The following NREP variants were observed in gnomAD, a reference collection of about 807,000 sequenced individuals.
NREP encodes the protein neuronal regeneration related protein, also known as neuronal regeneration-related protein.
Under a neutral mutation model 8.6 loss-of-function variants are expected in NREP, and 5 were observed. That is an observed-to-expected ratio of 0.58 (90% CI 0.30 to 1.22). The LOEUF is 1.22. Among genes scored for constraint, NREP ranks in the 50% most tolerant of loss-of-function variants. NREP has a pLI of 0.07. For synonymous variants in NREP, 27 were observed against 28.0 expected, an observed-to-expected ratio of 0.96 and a Z score of 0.11; for missense variants, 86 against 82.5, an observed-to-expected ratio of 1.04 and a Z score of -0.17.
At chr5:111,759,403 T>C (rs562990187), upstream of NREP, among the ~76,000 whole-genome samples, 3 of 143,240 alleles carry the variant, frequency 2.1e-5, no homozygotes, top group African/African-American at 7.7e-5. Context: ...GTGTTAATTT[T>C]TCTTTCTTTC....
intron 2 of NREP, among the ~76,000 whole-genome samples, chr5:111,900,764 T>TAA (rs58169113): frequency 1.3e-5 from 2 of 151,912 alleles, no homozygotes; most frequent in South Asian, 4.2e-4. Context: ...GAAACAGTAA[T>TAA]AAAAAAAGTC....
intron 2 of NREP, among the ~76,000 whole-genome samples, chr5:111,878,312 G>A (rs1358646356): frequency 3.3e-5 from 5 of 152,176 alleles, no homozygotes; most frequent in African/African-American, 1.2e-4. Flanking sequence ...TGCATGGCAG[G>A]GAAGGCCTCA....
intron 2 of NREP, among the ~76,000 whole-genome samples, chr5:111,899,973 T>C (rs1048296216): frequency 6.6e-6 from 1 of 152,120 alleles, no homozygotes; most frequent in African/African-American, 2.4e-5. Flanking sequence ...AAATATTTTA[T>C]CTAACAGCTG....
In NREP at chr5:111,910,486, T is replaced by C. The variant is rs55737394; in HGVS notation, c.135+64788A>G. 6.8e-3 allele frequency among the ~76,000 whole-genome samples: 1,029 copies of C among 152,164 alleles called. 5 individuals are homozygous for C. Among genetic ancestry groups the C allele is most frequent in the Non-Finnish European group, 8.2e-3 (557 of 67,980 alleles). On this transcript the variant is annotated intron_variant, in intron 2 of 3. Coordinates refer to the NREP transcript ENST00000395634. Reference sequence around the variant, plus strand: ...AAAAAGGCCTTAAGAATGGAATAACTTAGAAAGACCCACATATTTATAATG... The same window carrying C: ...AAAAAGGCCTTAAGAATGGAATAACCTAGAAAGACCCACATATTTATAATG...
chr5:111,801,965 A>G (rs1366606281), intron 2 of NREP, among the ~76,000 whole-genome samples: 1 of 152,200 alleles, frequency 6.6e-6, no homozygotes, highest in Non-Finnish European at 1.5e-5. Context: ...CAAATGACAT[A>G]GGCAGCTCTG....
chr5:111,969,862 C>T lies in NREP; in HGVS notation c.135+5412G>A, dbSNP rs553656365. On this transcript the variant is annotated intron_variant, in intron 2 of 3. Transcript: ENST00000395634. The stretch of plus-strand genomic sequence containing the variant: ...AGGGTCACTGGGTAAAAATGTGGTA[C>T]TGGTGGATTGAGAAGGGTGGGGACT... Among the ~76,000 whole-genome samples the T allele has an allele frequency of 2.7e-3, 406 of 152,194 alleles. 3 individuals carry two copies. The highest frequency in any genetic ancestry group is 0.015 in the South Asian group (73 of 4,806).
rs570182893 is a variant in NREP at position 111,883,458 on chromosome 5, C to A, written c.135+91816G>T. ...GGATACCCAGGAATTGAACTCAGCTCTGCACCAAGCAGACCTAATAGACAT... is the reference window on the plus strand; with the variant it reads ...GGATACCCAGGAATTGAACTCAGCTATGCACCAAGCAGACCTAATAGACAT... On this transcript the variant is annotated intron_variant, in intron 2 of 3. Transcript: ENST00000395634. Among the ~76,000 whole-genome samples the A allele has an allele frequency of 7.7e-3, 1,177 of 152,266 alleles. 13 individuals are homozygous for A. The highest frequency in any genetic ancestry group is 0.026 in the African/African-American group (1,101 of 41,552).
chr5:111,904,386 C>G (rs1288702582), intron 2 of NREP, among the ~76,000 whole-genome samples: 1 of 152,070 alleles, frequency 6.6e-6, no homozygotes, highest in African/African-American at 2.4e-5. Context: ...TGGTCAGAAA[C>G]TGTCAAGTAC....
At chr5:111,972,698 C>A (rs1336933392) in intron 2 of NREP, among the ~76,000 whole-genome samples, 1 of 152,168 alleles carries the variant, frequency 6.6e-6, no homozygotes, top group African/African-American at 2.4e-5. Flanking sequence ...GCCAGGGATA[C>A]TGCTGTCATC....
intron 2 of NREP, among the ~76,000 whole-genome samples, chr5:111,945,031 C>T (rs1236433076): frequency 1.3e-5 from 2 of 152,072 alleles, no homozygotes; most frequent in African/African-American, 4.8e-5. Context: ...CCTGTCCCTA[C>T]ATCTCTACTT....
intron 2 of NREP, among the ~76,000 whole-genome samples, chr5:111,922,065 C>A (rs1167052635): frequency 6.6e-6 from 1 of 152,084 alleles, no homozygotes; most frequent in Non-Finnish European, 1.5e-5. Context: ...CAGACTAATA[C>A]AATTGGTAAG....
intron 2 of NREP, among the ~76,000 whole-genome samples, chr5:111,870,383 T>C (rs931880924): frequency 3.9e-5 from 6 of 152,148 alleles, no homozygotes; most frequent in Admixed American, 6.6e-5. Context: ...TAAGCCAAGA[T>C]TGTGCCACTG....
chr5:111,798,479 C>T (rs1378477737), intron 2 of NREP, among the ~76,000 whole-genome samples: 1 of 152,072 alleles, frequency 6.6e-6, no homozygotes, highest in Non-Finnish European at 1.5e-5. Flanking sequence ...GAGCAGTGTA[C>T]ACTGTATCCA....
At chr5:111,756,637 T>A (rs750821235) in intron 1 of NREP, among the ~76,000 whole-genome samples, 91 of 152,214 alleles carry the variant, frequency 6.0e-4, no homozygotes, top group Non-Finnish European at 5.3e-4. Context: ...AAAGTTCAAC[T>A]GCTTTATAAG....
chr5:111,891,500 T>C (rs4957624), intron 2 of NREP, among the ~76,000 whole-genome samples: 19,832 of 152,278 alleles, frequency 0.13, 1,694 homozygotes, highest in Non-Finnish European at 0.18. Flanking sequence ...TTTTCAGATA[T>C]CTGTATAGCG....
intron 2 of NREP, among the ~76,000 whole-genome samples, chr5:111,740,069 G>A (rs1212199188): frequency 6.6e-6 from 1 of 151,766 alleles, no homozygotes; most frequent in Non-Finnish European, 1.5e-5. Context: ...TGGAGAATAT[G>A]CAACAGTTTT....
chr5:111,854,282 G>T (rs1309607031), intron 2 of NREP, among the ~76,000 whole-genome samples: 1 of 152,154 alleles, frequency 6.6e-6, no homozygotes, highest in Non-Finnish European at 1.5e-5. Flanking sequence ...AGTTCTTCAT[G>T]CTGAGAGTTA....
At chr5:111,961,641 T>C (rs1264152354) in intron 2 of NREP, among the ~76,000 whole-genome samples, 2 of 152,204 alleles carry the variant, frequency 1.3e-5, no homozygotes, top group South Asian at 2.1e-4. Context: ...TTACTCTACA[T>C]TTATGGATTT....
chr5:111,949,218 T>C (rs17496295), intron 2 of NREP, among the ~76,000 whole-genome samples: 19,982 of 152,068 alleles, frequency 0.13, 1,826 homozygotes, highest in Non-Finnish European at 0.19. Flanking sequence ...AAATATGCTA[T>C]AAAATGGGCT....
Sources: gnomAD v4.1 joint callset for allele counts (sites outside exome capture counted in the v4.1 genomes callset) on GRCh38, gnomAD v4.1.1 for gene constraint, MANE v1.5 for transcripts, NCBI Gene and HGNC (gene_info 2026-07-23, HGNC 2026-07-21) for gene names.